TGFBR3: variants seen among roughly 807,000 people sequenced by gnomAD.
TGFBR3 encodes transforming growth factor beta receptor 3, also known as transforming growth factor beta receptor type 3.
TGFBR3 carries 46 observed loss-of-function variants against 87.9 expected under a neutral mutation model. The observed-to-expected ratio is 0.52, with a 90% CI of 0.41 to 0.67. The LOEUF is 0.67. TGFBR3 is among the 30% of genes least tolerant of loss of function. TGFBR3 has a pLI of 0.00. For synonymous variants in TGFBR3, 381 were observed against 391.6 expected, an observed-to-expected ratio of 0.97 and a Z score of 0.32; for missense variants, 866 against 1,041.9, an observed-to-expected ratio of 0.83 and a Z score of 2.32.
chr1:91,828,950 T>C (rs899680445), intron 2 of TGFBR3, among the ~76,000 whole-genome samples: 1 of 151,584 alleles, frequency 6.6e-6, no homozygotes, highest in Non-Finnish European at 1.5e-5. Flanking sequence ...CGTGAAGGAG[T>C]CCCTCTTTTT....
At chr1:91,745,834 T>C (rs1325308837) in intron 4 of TGFBR3, among the ~76,000 whole-genome samples, 1 of 152,218 alleles carries the variant, frequency 6.6e-6, no homozygotes, top group East Asian at 1.9e-4. Context: ...AGGTTCATAA[T>C]TTGCAAAGCT....
chr1:91,730,489 A>G (rs1466204672), intron 5 of TGFBR3, among the ~76,000 whole-genome samples: 2 of 152,090 alleles, frequency 1.3e-5, no homozygotes, highest in African/African-American at 4.8e-5. Context: ...CATGGTTTCA[A>G]CCTGTACCTA....
chr1:91,836,249 A>G (rs1052906181), intron 2 of TGFBR3, among the ~76,000 whole-genome samples: 1 of 152,200 alleles, frequency 6.6e-6, no homozygotes, highest in Non-Finnish European at 1.5e-5. Flanking sequence ...CTCCATCTCA[A>G]GGAAAATAAA....
chr1:91,902,245 A>C (rs1679735770), intron 1 of TGFBR3, among the ~76,000 whole-genome samples: 1 of 142,530 alleles, frequency 7.0e-6, no homozygotes, highest in Non-Finnish European at 1.5e-5. Context: ...TTCTGTTTGA[A>C]GACGTGCAGT....
At chr1:91,897,071 G>A (rs1287762858) in intron 2 of TGFBR3, among the ~76,000 whole-genome samples, 1 of 152,128 alleles carries the variant, frequency 6.6e-6, no homozygotes, top group African/African-American at 2.4e-5. Flanking sequence ...TTTGAGTGCT[G>A]CTGAGTACAC....
intron 1 of TGFBR3, among the ~76,000 whole-genome samples, chr1:91,865,774 C>T (rs1458561008): frequency 3.3e-5 from 5 of 151,772 alleles, no homozygotes; most frequent in African/African-American, 4.8e-5. Flanking sequence ...TAGCCGGGCG[C>T]GGTGGCAGGC....
intron 2 of TGFBR3, among the ~76,000 whole-genome samples, chr1:91,852,694 G>A (rs945581389): frequency 6.6e-6 from 1 of 152,138 alleles, no homozygotes; most frequent in Admixed American, 6.5e-5. Context: ...AGCCTCTCGA[G>A]TAGCTGGGAT....
chr1:91,774,016 A>C (rs973129130), intron 3 of TGFBR3, among the ~76,000 whole-genome samples: 6 of 152,252 alleles, frequency 3.9e-5, no homozygotes, highest in African/African-American at 1.4e-4. Flanking sequence ...ACAAATAATG[A>C]AATACTCAAA....
chr1:91,882,920 T>G (rs2245663), intron 1 of TGFBR3, among the ~76,000 whole-genome samples: 139,480 of 152,170 alleles, frequency 0.92, 64,624 homozygotes, highest in Non-Finnish European at 0.99. Flanking sequence ...TCTGAGGAAT[T>G]CACAGTAATA....
At chr1:91,696,763 A>T (rs150087025) in intron 15 of TGFBR3, among the ~76,000 whole-genome samples, 1 of 152,344 alleles carries the variant, frequency 6.6e-6, no homozygotes, top group African/African-American at 2.4e-5. Flanking sequence ...TGCTCCAGTC[A>T]GAAGCAACTC....
At chr1:91,788,896 GC>G (rs1454204474) in intron 3 of TGFBR3, among the ~76,000 whole-genome samples, 1 of 152,126 alleles carries the variant, frequency 6.6e-6, no homozygotes, top group African/African-American at 2.4e-5. Flanking sequence ...TTTTTTTAAA[GC>G]CAAGGGCAGT....
intron 15 of TGFBR3, 116 bp downstream of exon 15, chr1:91,697,973 G>T (rs770241088): frequency 1.1e-6 from 1 of 928,132 alleles, no homozygotes; most frequent in Non-Finnish European, 1.8e-6. Flanking sequence ...GGGGAAGGGG[G>T]AATGAGAGCA....
At position 91,902,606 on chromosome 1, in the gene TGFBR3, TTTTC is replaced by T. The variant is rs1447765168; in HGVS notation, c.-174-2913_-174-2910del. Among the ~76,000 whole-genome samples the T allele has an allele frequency of 8.6e-5, 13 of 151,818 alleles. No individual in the cohort carries two copies. In the East Asian group the frequency reaches 2.1e-3, roughly 25 times the overall value. On this transcript the variant is annotated intron_variant, in intron 1 of 17. Transcript: ENST00000370399. ...CCAAGTGCAGTTTATTTTTTTTTTC[TTTTC>T]TTTCTTTTTTTTTTCTCACATCTTT...
chr1:91,770,323 A>C (rs1674332999), intron 3 of TGFBR3, among the ~76,000 whole-genome samples: 1 of 152,182 alleles, frequency 6.6e-6, no homozygotes, highest in Non-Finnish European at 1.5e-5. Context: ...CTACAGATTT[A>C]AGAAAAAATT....
At chr1:91,774,560 C>T (rs1200480328) in intron 3 of TGFBR3, among the ~76,000 whole-genome samples, 1 of 152,104 alleles carries the variant, frequency 6.6e-6, no homozygotes, top group Admixed American at 6.5e-5. Flanking sequence ...ATGCAAACAA[C>T]AGTATCCCAC....
At chr1:91,747,313 G>A (rs1673382547) in intron 4 of TGFBR3, among the ~76,000 whole-genome samples, 1 of 152,160 alleles carries the variant, frequency 6.6e-6, no homozygotes. Context: ...CAAATACAGA[G>A]GAACATTCTC....
chr1:91,856,944 A>G (rs1677976730), intron 2 of TGFBR3, among the ~76,000 whole-genome samples: 2 of 152,240 alleles, frequency 1.3e-5, no homozygotes, highest in Non-Finnish European at 2.9e-5. Flanking sequence ...TCTGCCACTT[A>G]TTAGTTCCAG....
At position 91,698,106 on chromosome 1, in the gene TGFBR3, G is replaced by A. The variant is rs1207651071; in HGVS notation, c.2312C>T (p.Pro771Leu). 1 of 1,613,864 alleles carries A rather than the reference G, an allele frequency of 6.2e-7. No individual in the cohort carries two copies. The highest frequency in any genetic ancestry group is 8.5e-7 in the Non-Finnish European group (1 of 1,179,918). ...AGACTTACGTGGAGAAATTGGATTT[G>A]GTTCCTTCATGCTTGGACCTTTTTC... Reference protein sequence around the residue: ...SKEKGPSMKEPNPISPPIFHG... With the variant: ...SKEKGPSMKELNPISPPIFHG... Residue 771 changes from proline to leucine, a missense_variant, in exon 15 of 17, where the codon CCA (proline) becomes CTA (leucine). Physicochemically the swap from Pro to Leu is moderately conservative, Grantham distance 98. Transcript: ENST00000212355.
At chr1:91,787,943 G>GAAGAAAAAAAAAAAAAAA (rs1553167320) in intron 3 of TGFBR3, among the ~76,000 whole-genome samples, 2 of 133,316 alleles carry the variant, frequency 1.5e-5, no homozygotes, top group Non-Finnish European at 3.1e-5. Context: ...GTCTCACGGG[G>GAAGAAAAAAAAAAAAAAA]AAAAAAAAAA....
Sources: allele counts gnomAD v4.1 joint callset (sites outside exome capture counted in the v4.1 genomes callset), GRCh38; gene constraint gnomAD v4.1.1; transcripts MANE v1.5; gene names NCBI Gene and HGNC (gene_info 2026-07-23, HGNC 2026-07-21).